STRN: variants seen among roughly 807,000 people sequenced by gnomAD.
The protein encoded by STRN is protein phosphatase 2 regulatory subunit B'''alpha.
Under a neutral mutation model 96.3 loss-of-function variants are expected in STRN, and 53 were observed. The observed-to-expected ratio is 0.55, with a 90% CI of 0.44 to 0.69. The LOEUF (loss-of-function observed/expected upper bound fraction) is 0.69, where lower values mean the gene tolerates loss of function less well. Ranked by LOEUF, STRN falls within the 30% of genes least tolerant of loss-of-function variation. STRN has a pLI of 0.00. For synonymous variants in STRN, 428 were observed against 355.9 expected (o/e 1.20, Z -2.28); for missense variants, 987 against 963.9 (o/e 1.02, Z -0.32).
At chr2:36,861,574 T>A (rs1463091372) in intron 12 of STRN, among the ~76,000 whole-genome samples, 1 of 152,144 alleles carries the variant, frequency 6.6e-6, no homozygotes. Flanking sequence ...ATTATATGAC[T>A]AGCAAATCCT....
chr2:36,941,276 A>T (rs1433707318), intron 1 of STRN, among the ~76,000 whole-genome samples: 1 of 152,224 alleles, frequency 6.6e-6, no homozygotes, highest in Non-Finnish European at 1.5e-5. Context: ...AAATTAGTTC[A>T]ATCTCTTCTG....
chr2:36,961,757 T>A (rs1665034903), intron 1 of STRN, among the ~76,000 whole-genome samples: 1 of 152,184 alleles, frequency 6.6e-6, no homozygotes, highest in Non-Finnish European at 1.5e-5. Context: ...TGCTGAGGTA[T>A]AAGGCCAAAG....
At chr2:36,956,141 C>G (rs1489238265) in intron 1 of STRN, among the ~76,000 whole-genome samples, 2 of 152,150 alleles carry the variant, frequency 1.3e-5, no homozygotes, top group East Asian at 3.8e-4. Context: ...TAAGTAGCTA[C>G]TATGATAAAC....
intron 1 of STRN, among the ~76,000 whole-genome samples, chr2:36,958,109 G>A (rs745444481): frequency 1.3e-5 from 2 of 151,610 alleles, no homozygotes; most frequent in Non-Finnish European, 2.9e-5. Flanking sequence ...TAGTAGAGAC[G>A]GGGTTTCACC....
At chr2:36,880,869 G>A (rs1474053457) in intron 9 of STRN, among the ~76,000 whole-genome samples, 1 of 152,124 alleles carries the variant, frequency 6.6e-6, no homozygotes, top group Non-Finnish European at 1.5e-5. Flanking sequence ...AAATGGCCAA[G>A]TAAAACCTGA....
chr2:36,874,057 C>G (rs1335695297), intron 10 of STRN, among the ~76,000 whole-genome samples: 5 of 151,058 alleles, frequency 3.3e-5, no homozygotes, highest in Admixed American at 1.3e-4. Flanking sequence ...AGATCAAGAC[C>G]ATCCTGGCTA....
intron 16 of STRN, 55 bp downstream of exon 16, chr2:36,850,945 G>A: frequency 7.8e-7 from 1 of 1,283,716 alleles, no homozygotes. Context: ...GCCTACTTGT[G>A]GTAGGGATTT....
chr2:36,888,088 C>G (rs1292884053), intron 7 of STRN, among the ~76,000 whole-genome samples: 2 of 152,156 alleles, frequency 1.3e-5, no homozygotes. Flanking sequence ...TGCACTTTTT[C>G]AGAGCAAAAC....
At chr2:36,880,574 T>C (rs1470127237) in intron 9 of STRN, among the ~76,000 whole-genome samples, 2 of 152,134 alleles carry the variant, frequency 1.3e-5, no homozygotes, top group South Asian at 2.1e-4. Context: ...AAAATAAACA[T>C]AGGTTTTACC....
At chr2:36,914,127 C>A (rs551770457) in intron 3 of STRN, among the ~76,000 whole-genome samples, 1 of 152,268 alleles carries the variant, frequency 6.6e-6, no homozygotes, top group South Asian at 2.1e-4. Context: ...GTAGCTAGGA[C>A]TACAGACATG....
intron 3 of STRN, among the ~76,000 whole-genome samples, chr2:36,913,664 G>A (rs983663872): frequency 7.9e-5 from 12 of 152,072 alleles, no homozygotes; most frequent in African/African-American, 2.9e-4. Context: ...TTATTCACTG[G>A]ATTTGGTACT....
chr2:36,926,129 C>G (rs1670402723), intron 1 of STRN, among the ~76,000 whole-genome samples: 1 of 152,114 alleles, frequency 6.6e-6, no homozygotes, highest in African/African-American at 2.4e-5. Flanking sequence ...CTGCCCCCCA[C>G]CCCAAGGAAT....
chr2:36,849,547 A>G lies in STRN; in HGVS notation c.2252T>C (p.Phe751Ser). 1 of 1,614,208 alleles carries G rather than the reference A, an allele frequency of 6.2e-7. No individual in the cohort carries two copies. Among genetic ancestry groups the G allele is most frequent in the Non-Finnish European group, 8.5e-7 (1 of 1,180,018 alleles). Residue 751 changes from phenylalanine (F) to serine (S), a missense_variant, in exon 18 of 18, where the codon TTT becomes TCT. By Grantham distance (155) the Phe-to-Ser change is radical. Coordinates refer to ENST00000263918, the MANE Select transcript of STRN (RefSeq NM_003162.4). ...AGCTACATCATGAATCGATTCTTCA[A>G]ACTTTTTTCGATGAGCTGTGAATTC... is the stretch of plus-strand genomic sequence containing the variant. ...IQEFTAHRKK[F>S]EESIHDVAFH...
chr2:36,842,006 CTG>C lies in STRN; in HGVS notation c.*7448_*7449del, dbSNP rs1045592704. 2.0e-5 allele frequency: 3 copies of C among 152,204 alleles called. No homozygotes were observed. The highest frequency in any genetic ancestry group is 6.5e-5 in the Admixed American group (1 of 15,286). The allele number at this position is 152,204 out of a possible 1,614,324, so 9.4% of individuals were successfully genotyped here. ...CAAGTTATCCAGCCCCCAAAATAAA[CTG>C]TTTCTGATAAAATTACTTTTGCTCT... is the stretch of plus-strand genomic sequence containing the variant. On this transcript the variant is annotated 3_prime_UTR_variant, in exon 18 of 18. Coordinates refer to ENST00000263918, the MANE Select transcript of STRN (RefSeq NM_003162.4).
At chr2:36,917,547 A>G (rs1410815764) in intron 2 of STRN, among the ~76,000 whole-genome samples, 2 of 151,366 alleles carry the variant, frequency 1.3e-5, no homozygotes, top group Admixed American at 6.6e-5. Context: ...AGAAAAAAAA[A>G]AAAAAAGAAA....
intron 3 of STRN, among the ~76,000 whole-genome samples, chr2:36,915,584 T>C (rs1172028500): frequency 6.6e-6 from 1 of 152,230 alleles, no homozygotes; most frequent in Non-Finnish European, 1.5e-5. Flanking sequence ...AAACATGTTC[T>C]AGTTACAGAA....
intron 7 of STRN, among the ~76,000 whole-genome samples, chr2:36,893,134 A>G (rs926736800): frequency 6.6e-6 from 1 of 152,208 alleles, no homozygotes; most frequent in African/African-American, 2.4e-5. Flanking sequence ...AGGTGCCAGT[A>G]ATAAAGCATA....
intron 2 of STRN, among the ~76,000 whole-genome samples, chr2:36,919,772 T>C (rs1201564857): frequency 6.6e-6 from 1 of 152,182 alleles, no homozygotes; most frequent in Non-Finnish European, 1.5e-5. Context: ...TAGCAGTGAA[T>C]AGAGAGAAAT....
chr2:36,857,778 A>G (rs1381537054), intron 14 of STRN, 78 bp downstream of exon 14: 8 of 1,223,958 alleles, frequency 6.5e-6, no homozygotes, highest in Admixed American at 2.4e-5. Context: ...AGTTCAGGGA[A>G]TCATTTATCT....
Sources: gnomAD v4.1 joint callset for allele counts (sites outside exome capture counted in the v4.1 genomes callset) on GRCh38, gnomAD v4.1.1 for gene constraint, MANE v1.5 for transcripts, NCBI Gene and HGNC (gene_info 2026-07-23, HGNC 2026-07-21) for gene names.